Variants in SYT1 observed in about 807,000 individuals in gnomAD.
The protein encoded by SYT1 is synaptotagmin-1.
A neutral mutation model predicts 44.8 loss-of-function variants in SYT1; 8 were observed. That is an observed-to-expected ratio of 0.18 (90% CI 0.10 to 0.32). The LOEUF is 0.32. Among genes scored for constraint, SYT1 ranks in the 10% least tolerant of loss-of-function variants. The pLI is 1.00. For missense variants in SYT1, 286 were observed against 509.3 expected (o/e 0.56, Z 4.22); for synonymous variants, 154 against 188.8 (o/e 0.82, Z 1.51).
At chr12:79,034,970 GC>G (rs1231058722) in intron 2 of SYT1, among the ~76,000 whole-genome samples, 2 of 151,558 alleles carry the variant, frequency 1.3e-5, no homozygotes, top group African/African-American at 4.8e-5. Flanking sequence ...CCACATGGAT[GC>G]CCAACAGTGG....
intron 3 of SYT1, among the ~76,000 whole-genome samples, chr12:79,202,445 A>G (rs1873845838): frequency 6.6e-6 from 1 of 152,188 alleles, no homozygotes; most frequent in African/African-American, 2.4e-5. Flanking sequence ...CGCCATGGAC[A>G]TATCCCTAAC....
intron 1 of SYT1, among the ~76,000 whole-genome samples, chr12:78,902,344 T>G (rs1163158689): frequency 6.6e-6 from 1 of 152,030 alleles, no homozygotes; most frequent in Non-Finnish European, 1.5e-5. Flanking sequence ...AAGAATCCAA[T>G]TGAAAGCAAG....
In SYT1 at chr12:79,296,434, G is replaced by A. The variant is rs972561582; in HGVS notation, c.642+198G>A. On this transcript the variant is annotated intron_variant, in intron 7 of 10. Transcript: ENST00000261205. ...TTTCAGCGTGTTCAGAGTAGGATTC[G>A]GTTCAGTCATTTCAGAATGGAATGG... 6.1e-4 allele frequency among the ~76,000 whole-genome samples: 93 copies of A among 152,154 alleles called. 1 individual carries two copies. Among genetic ancestry groups the A allele is most frequent in the African/African-American group, 2.2e-3 (93 of 41,522 alleles).
chr12:79,208,892 A>G (rs1463764427), intron 3 of SYT1, among the ~76,000 whole-genome samples: 5 of 151,984 alleles, frequency 3.3e-5, no homozygotes, highest in East Asian at 1.9e-4. Flanking sequence ...TGGAAGGCAT[A>G]CTCTTTAAAA....
Position 78,894,329 on chromosome 12 carries a change from T to TG in SYT1, c.-217+29221dup, listed in dbSNP as rs1156297318. 1.3e-4 allele frequency among the ~76,000 whole-genome samples: 12 copies of TG among 89,420 alleles called. No homozygotes were observed. In the South Asian group the frequency reaches 2.5e-3, roughly 19 times the overall value. The allele number at this position is 89,420 out of a possible 152,430, so 58.7% of individuals were successfully genotyped here. On this transcript the variant is annotated intron_variant, in intron 1 of 10. Transcript: ENST00000261205. ...TAATTTATGATTGTGTTTTTTAATC[T>TG]GTTTTTTTTTTTTTTTTTTTTTTTT...
chr12:79,175,000 A>T (rs1408498523), intron 3 of SYT1, among the ~76,000 whole-genome samples: 1 of 152,054 alleles, frequency 6.6e-6, no homozygotes, highest in East Asian at 1.9e-4. Flanking sequence ...GAAAGCTTGT[A>T]TGGAAAGTGT....
At chr12:79,430,196 C>T (rs1406920543) in intron 9 of SYT1, among the ~76,000 whole-genome samples, 1 of 152,138 alleles carries the variant, frequency 6.6e-6, no homozygotes, top group African/African-American at 2.4e-5. Context: ...AGCTGTAAAA[C>T]TTGTTTGTAC....
chr12:79,177,010 A>T (rs935431857), intron 3 of SYT1, among the ~76,000 whole-genome samples: 2 of 151,090 alleles, frequency 1.3e-5, no homozygotes, highest in African/African-American at 4.9e-5. Flanking sequence ...AATTTCACTG[A>T]TAACTCCATT....
At chr12:78,911,816 C>A (rs1876348114) in intron 1 of SYT1, among the ~76,000 whole-genome samples, 1 of 151,898 alleles carries the variant, frequency 6.6e-6, no homozygotes, top group Admixed American at 6.6e-5. Flanking sequence ...TTTGCGATTG[C>A]CTCATTTCTT....
At chr12:78,898,663 G>A (rs1355533001) in intron 1 of SYT1, among the ~76,000 whole-genome samples, 1 of 152,062 alleles carries the variant, frequency 6.6e-6, no homozygotes, top group Non-Finnish European at 1.5e-5. Flanking sequence ...ATGGCAGACA[G>A]CCAGCAGGTT....
intron 4 of SYT1, among the ~76,000 whole-genome samples, chr12:79,220,347 G>C (rs1457732349): frequency 6.6e-6 from 1 of 151,520 alleles, no homozygotes; most frequent in African/African-American, 2.4e-5. Flanking sequence ...TGTCAATTTT[G>C]TTTAACTTTC....
intron 4 of SYT1, among the ~76,000 whole-genome samples, chr12:79,246,508 A>C (rs939885213): frequency 6.6e-6 from 1 of 152,154 alleles, no homozygotes; most frequent in Non-Finnish European, 1.5e-5. Context: ...TGGAGGCTGG[A>C]AAGTCCAAGA....
chr12:78,965,597 T>G (rs1391503176), intron 1 of SYT1, among the ~76,000 whole-genome samples: 2 of 152,110 alleles, frequency 1.3e-5, no homozygotes, highest in Non-Finnish European at 2.9e-5. Flanking sequence ...GGAAACCACT[T>G]TTTGAGAGTT....
chr12:79,426,406 A>G (rs572255190), intron 9 of SYT1, among the ~76,000 whole-genome samples: 17 of 152,324 alleles, frequency 1.1e-4, no homozygotes, highest in African/African-American at 4.1e-4. Flanking sequence ...CAAGGAAAAA[A>G]AAAACATATT....
At chr12:79,400,112 A>T (rs1483139132) in intron 9 of SYT1, among the ~76,000 whole-genome samples, 4 of 152,214 alleles carry the variant, frequency 2.6e-5, no homozygotes, top group African/African-American at 9.6e-5. Flanking sequence ...TTCTCCAAGA[A>T]TACACAAGTC....
chr12:79,231,144 T>C (rs1044689515), intron 4 of SYT1, among the ~76,000 whole-genome samples: 2 of 152,128 alleles, frequency 1.3e-5, no homozygotes, highest in African/African-American at 4.8e-5. Flanking sequence ...TTCTATTAAA[T>C]TGAGTAAAGA....
chr12:79,221,627 A>T lies in SYT1; in HGVS notation c.166+3942A>T, dbSNP rs187719686. 4.1e-3 allele frequency among the ~76,000 whole-genome samples: 619 copies of T among 152,290 alleles called. 3 individuals carry two copies. The highest frequency in any genetic ancestry group is 0.014 in the African/African-American group (583 of 41,576). Reference sequence around the variant, plus strand: ...TTTTCAAAAAACATCTATAGTTATAACAGGTTATTTTAAGCTGAAAACAAA... The same window carrying T: ...TTTTCAAAAAACATCTATAGTTATATCAGGTTATTTTAAGCTGAAAACAAA... On this transcript the variant is annotated intron_variant, in intron 4 of 10. Coordinates refer to ENST00000261205, the MANE Select transcript of SYT1 (RefSeq NM_005639.3).
chr12:79,095,618 G>A (rs111708498), intron 3 of SYT1, among the ~76,000 whole-genome samples: 1 of 151,846 alleles, frequency 6.6e-6, no homozygotes, highest in Non-Finnish European at 1.5e-5. Flanking sequence ...AGTGACTCTT[G>A]CCACTCTTAC....
At chr12:79,100,439 C>A in intron 3 of SYT1, among the ~76,000 whole-genome samples, 1 of 150,620 alleles carries the variant, frequency 6.6e-6, no homozygotes, top group South Asian at 2.1e-4. Context: ...ATTAGTTGAA[C>A]AAGAGGAACC....
Sources: gnomAD v4.1 joint callset for allele counts (sites outside exome capture counted in the v4.1 genomes callset) on GRCh38, gnomAD v4.1.1 for gene constraint, MANE v1.5 for transcripts, NCBI Gene and HGNC (gene_info 2026-07-23, HGNC 2026-07-21) for gene names.